Variants in ABCG8 observed in about 807,000 individuals in gnomAD.
The protein encoded by ABCG8 is ATP binding cassette subfamily G member 8, also known as ATP-binding cassette sub-family G member 8.
ABCG8 carries 81 observed loss-of-function variants against 71.3 expected under a neutral mutation model. That is an observed-to-expected ratio of 1.14 (90% confidence interval 0.95 to 1.37). ABCG8 has a LOEUF of 1.37. Among genes scored for constraint, ABCG8 ranks in the 40% most tolerant of loss-of-function variants. The pLI, the probability that ABCG8 is intolerant of heterozygous loss-of-function variation, is 0.00. For missense variants in ABCG8, 1,119 were observed against 866.2 expected (o/e 1.29, Z -3.66); for synonymous variants, 451 against 354.7 (o/e 1.27, Z -3.05).
rs1668964037 is a variant in ABCG8 at position 43,852,621 on chromosome 2, C to T, written c.717C>T (p.Pro239=). ...AAGGAATCCTTATTCTCGACGAACC[C>T]ACCTCTGGGCTCGACAGCTTCACAG... is the stretch of plus-strand genomic sequence containing the variant. ...WNPGILILDE[P]TSGLDSFTAH... Residue 239 remains proline, a synonymous_variant, in exon 6 of 13, where the codon CCC becomes CCT. Coordinates refer to ENST00000272286, the MANE Select transcript of ABCG8 (RefSeq NM_022437.3). 3.1e-6 allele frequency: 5 copies of T among 1,614,056 alleles called. No homozygotes were observed. The highest frequency in any genetic ancestry group is 1.3e-5 in the African/African-American group (1 of 74,928).
intron 6 of ABCG8, among the ~76,000 whole-genome samples, chr2:43,859,963 C>T (rs779900973): frequency 1.3e-5 from 2 of 151,290 alleles, no homozygotes; most frequent in African/African-American, 4.8e-5. Flanking sequence ...CTGGATAGAA[C>T]TCTCACTATC....
chr2:43,846,396 G>A (rs1210927518), intron 3 of ABCG8, 85 bp downstream of exon 3: 6 of 1,580,286 alleles, frequency 3.8e-6, no homozygotes, highest in Non-Finnish European at 5.2e-6. Context: ...TTCTTATGGA[G>A]CTCTTTGCTG....
chr2:43,874,274 T>TC lies in ABCG8; in HGVS notation c.1412-133_1412-132insC, dbSNP rs1669881489. On this transcript the variant is annotated intron_variant, in intron 9 of 12. Coordinates refer to ENST00000272286, the MANE Select transcript of ABCG8 (RefSeq NM_022437.3). ...TAAATTAGGATGGCTTTACTGTGCCTATTTAAAAAAAAAAATTAGAGACTT... is the reference window on the plus strand; with the variant it reads ...TAAATTAGGATGGCTTTACTGTGCCTCATTTAAAAAAAAAAATTAGAGACTT... 3.3e-6 allele frequency: 3 copies of TC among 897,198 alleles called. No homozygotes were observed. The African/African-American group carries it at 5.0e-5, about 15-fold the overall frequency. The allele number at this position is 897,198 out of a possible 1,614,324, so 55.6% of individuals were successfully genotyped here.
chr2:43,846,988 GTGCACA>G lies in ABCG8; in HGVS notation c.322+678_322+683del, dbSNP rs1306312219. The G allele has an allele frequency of 2.6e-3, 325 of 124,430 alleles. 3 individuals carry two copies. The highest frequency in any genetic ancestry group is 8.2e-3 in the African/African-American group (258 of 31,558). The allele number at this position is 124,430 out of a possible 1,614,324, so 7.7% of individuals were successfully genotyped here. On this transcript the variant is annotated intron_variant, in intron 3 of 12. Transcript: ENST00000272286. Reference sequence around the variant, plus strand: ...CTAGAGTATCCTCCTGCACGCGCGCGTGCACACACACACACACACACACACACACAC... The same window carrying G: ...CTAGAGTATCCTCCTGCACGCGCGCGCACACACACACACACACACACACAC...
chr2:43,878,029 C>A lies in ABCG8; in HGVS notation c.*116C>A. 6.7e-7 allele frequency: 1 copy of A among 1,482,076 alleles called. No individual in the cohort carries two copies. Among genetic ancestry groups the A allele is most frequent in the Non-Finnish European group, 9.3e-7 (1 of 1,080,518 alleles). The allele number at this position is 1,482,076 out of a possible 1,614,324, so 91.8% of individuals were successfully genotyped here. On this transcript the variant is annotated 3_prime_UTR_variant, in exon 13 of 13. Transcript: ENST00000272286. Reference sequence around the variant, plus strand: ...GGACAATGACCCTACAGATGCTCAGCTACATCCGGCCCAGGGTGCTGCAGT... The same window carrying A: ...GGACAATGACCCTACAGATGCTCAGATACATCCGGCCCAGGGTGCTGCAGT...
In ABCG8 at chr2:43,880,673, C is replaced by CGT. The variant is rs1670107355; in HGVS notation, c.*2761_*2762insTG. 3 of 152,226 alleles carry CGT rather than the reference C, an allele frequency of 2.0e-5. No individual in the cohort carries two copies. Among genetic ancestry groups the CGT allele is most frequent in the African/African-American group, 7.2e-5 (3 of 41,418 alleles). The allele number at this position is 152,226 out of a possible 1,614,324, so 9.4% of individuals were successfully genotyped here. On this transcript the variant is annotated 3_prime_UTR_variant, in exon 13 of 13. Transcript: ENST00000272286. ...GAGTGTGTGTGTGTGTGCGCGCGCG[C>CGT]GCGCGCATGTGCATACATATACACC...
At chr2:43,842,195 T>C (rs371020786) in intron 1 of ABCG8, among the ~76,000 whole-genome samples, 1 of 152,196 alleles carries the variant, frequency 6.6e-6, no homozygotes, top group East Asian at 1.9e-4. Context: ...GTATTTTTAG[T>C]AGAGACAGGG....
intron 6 of ABCG8, among the ~76,000 whole-genome samples, chr2:43,856,884 C>G (rs1311663357): frequency 2.0e-5 from 3 of 150,760 alleles, no homozygotes; most frequent in Non-Finnish European, 4.4e-5. Context: ...CACTATCTGT[C>G]TGGTAGAATT....
chr2:43,841,822 A>C (rs1357473350), intron 1 of ABCG8, among the ~76,000 whole-genome samples: 1 of 151,912 alleles, frequency 6.6e-6, no homozygotes, highest in Non-Finnish European at 1.5e-5. Context: ...ATTGCTCCAG[A>C]CTCCAAATGT....
chr2:43,841,491 C>G (rs954760713), intron 1 of ABCG8, among the ~76,000 whole-genome samples: 12 of 152,258 alleles, frequency 7.9e-5, no homozygotes, highest in African/African-American at 2.9e-4. Context: ...CAAATCCTTC[C>G]TGGGAGCCAA....
At chr2:43,839,881 A>G (rs1668512331) in intron 1 of ABCG8, among the ~76,000 whole-genome samples, 1 of 152,178 alleles carries the variant, frequency 6.6e-6, no homozygotes, top group African/African-American at 2.4e-5. Context: ...GAACATCAGC[A>G]TGTGTGGCTC....
intron 9 of ABCG8, 55 bp downstream of exon 9, chr2:43,874,041 G>A (rs556095108): frequency 1.3e-6 from 2 of 1,578,744 alleles, no homozygotes; most frequent in Non-Finnish European, 8.7e-7. Context: ...TCCAAGCTGT[G>A]TTCCTCTGAG....
chr2:43,874,278 T>TA (rs4148226), intron 9 of ABCG8, 129 bp from the exon 10 acceptor site: 12,250 of 688,204 alleles, frequency 0.018, 4 homozygotes, highest in Non-Finnish European at 0.021. Flanking sequence ...TGTGCCTATT[T>TA]AAAAAAAAAA....
intron 11 of ABCG8, 118 bp downstream of exon 11, chr2:43,875,531 C>G: frequency 3.0e-6 from 4 of 1,352,676 alleles, no homozygotes; most frequent in Non-Finnish European, 3.0e-6. Context: ...GCTGGCCCTT[C>G]TGGAAGCAGA....
intron 9 of ABCG8, 65 bp from the exon 10 acceptor site, chr2:43,874,342 C>CAAAACAG: frequency 7.6e-7 from 1 of 1,318,300 alleles, no homozygotes; most frequent in Non-Finnish European, 1.1e-6. Context: ...AGAGAGTCTC[C>CAAAACAG]AAAACAGAAG....
intron 6 of ABCG8, among the ~76,000 whole-genome samples, chr2:43,861,377 G>T (rs1669311823): frequency 6.6e-6 from 1 of 150,666 alleles, no homozygotes; most frequent in Admixed American, 6.6e-5. Context: ...TCATTCTCTG[G>T]ATAGATCTCT....
In ABCG8 at chr2:43,878,954, C is replaced by A. The variant is rs545256799; in HGVS notation, c.*1041C>A. On this transcript the variant is annotated 3_prime_UTR_variant, in exon 13 of 13. Coordinates refer to ENST00000272286, the MANE Select transcript of ABCG8 (RefSeq NM_022437.3). Reference sequence around the variant, plus strand: ...GGGGCTTCCCTCTTCGCTCGGCTCTCATTCTCTCTCCCGCTACCCTGTGAA... The same window carrying A: ...GGGGCTTCCCTCTTCGCTCGGCTCTAATTCTCTCTCCCGCTACCCTGTGAA... 1 of 152,278 alleles carries A rather than the reference C, an allele frequency of 6.6e-6. No homozygotes were observed. Among genetic ancestry groups the A allele is most frequent in the African/African-American group, 2.4e-5 (1 of 41,456 alleles). The allele number at this position is 152,278 out of a possible 1,614,324, so 9.4% of individuals were successfully genotyped here.
intron 6 of ABCG8, among the ~76,000 whole-genome samples, chr2:43,858,926 C>G (rs554269238): frequency 6.6e-6 from 1 of 151,008 alleles, no homozygotes; most frequent in African/African-American, 2.4e-5. Context: ...CTGGATACAA[C>G]TCTCACTGTC....
Position 43,844,624 on chromosome 2 carries a change from G to T in ABCG8, c.165+16G>T, listed in dbSNP as rs368992754. The T allele has an allele frequency of 3.8e-6, 6 of 1,593,480 alleles. No homozygotes were observed. The African/African-American group carries it at 8.0e-5, about 21-fold the overall frequency. On this transcript the variant is annotated intron_variant, in intron 2 of 12. Transcript: ENST00000272286. ...CAACTACCAGGTAGAGGCACGCCTG[G>T]GTTCAAGGGGAGAGGAGCAGGCAGG...
Sources: allele counts gnomAD v4.1 joint callset (sites outside exome capture counted in the v4.1 genomes callset), GRCh38; gene constraint gnomAD v4.1.1; transcripts MANE v1.5; gene names NCBI Gene and HGNC (gene_info 2026-07-23, HGNC 2026-07-21).